The following KTN1 variants were observed in gnomAD, a reference collection of about 807,000 sequenced individuals.
The protein encoded by KTN1 is kinectin 1.
KTN1 carries 130 observed loss-of-function variants against 222.5 expected under a neutral mutation model. That is an observed-to-expected ratio of 0.58 (90% CI 0.51 to 0.68). The LOEUF is 0.68. Among genes scored for constraint, KTN1 ranks in the 30% least tolerant of loss-of-function variants. The probability of loss-of-function intolerance (pLI) is 0.00; values close to 1 mark genes in which losing one functional copy is unlikely to be tolerated. For synonymous variants in KTN1, 512 were observed against 496.3 expected, an observed-to-expected ratio of 1.03 and a Z score of -0.42; for missense variants, 1,508 against 1,500.4, an observed-to-expected ratio of 1.01 and a Z score of -0.08.
At chr14:55,615,914 CTTTCTTTCCTT>C (rs2038316952) in intron 2 of KTN1, among the ~76,000 whole-genome samples, 1 of 144,306 alleles carries the variant, frequency 6.9e-6, no homozygotes, top group African/African-American at 2.6e-5. Flanking sequence ...TTTCTTTCTT[CTTTCTTTCCTT>C]TTTCTTTCGA....
intron 24 of KTN1, chr14:55,651,425 A>T: frequency 2.2e-6 from 1 of 454,712 alleles, no homozygotes; most frequent in Non-Finnish European, 4.4e-6. Flanking sequence ...AGGACATCAT[A>T]GAGTACTGTT....
At chr14:55,595,359 A>C (rs1341549970) in intron 1 of KTN1, among the ~76,000 whole-genome samples, 3 of 152,242 alleles carry the variant, frequency 2.0e-5, no homozygotes, top group Non-Finnish European at 2.9e-5. Context: ...CAGTTAAATG[A>C]ACAGCTCATT....
chr14:55,680,477 C>A (rs1179788460), intron 43 of KTN1: 2 of 375,210 alleles, frequency 5.3e-6, no homozygotes, highest in East Asian at 1.5e-4. Context: ...CTGAATACTT[C>A]AGATATTCTT....
In KTN1 at chr14:55,652,547, T is replaced by C. The variant is rs186964639; in HGVS notation, c.2604-303T>C. Among the ~76,000 whole-genome samples the C allele has an allele frequency of 4.5e-3, 687 of 152,062 alleles. 2 individuals are homozygous for C. Among genetic ancestry groups the C allele is most frequent in the Non-Finnish European group, 7.2e-3 (490 of 67,910 alleles). On this transcript the variant is annotated intron_variant, in intron 25 of 43. Transcript: ENST00000395314. Reference sequence around the variant, plus strand: ...CCGAGTAGCTGGGACTACAGGCGCGTACCACCACGCCCGGCTAATTTTTTT... The same window carrying C: ...CCGAGTAGCTGGGACTACAGGCGCGCACCACCACGCCCGGCTAATTTTTTT...
chr14:55,648,677 TGA>T (rs940330537), intron 20 of KTN1, 123 bp from the exon 21 acceptor site: 15 of 686,286 alleles, frequency 2.2e-5, no homozygotes, highest in Non-Finnish European at 3.9e-5. Context: ...TGGAAAAAAG[TGA>T]GAGTTTTGGG....
chr14:55,610,579 T>G (rs1286205225), intron 1 of KTN1, among the ~76,000 whole-genome samples: 1 of 152,238 alleles, frequency 6.6e-6, no homozygotes, highest in Admixed American at 6.5e-5. Context: ...ATTTAAAAAC[T>G]TAAAAAATTC....
chr14:55,656,038 C>G lies in KTN1; in HGVS notation c.2802-4C>G. On this transcript the variant is annotated splice_polypyrimidine_tract_variant and splice_region_variant and intron_variant, in intron 28 of 43. Transcript: ENST00000395314. The stretch of plus-strand genomic sequence containing the variant: ...TTAATGCAGATCTTTGTAAAAAATT[C>G]TAGGTTGAAAGAAAAGGAAAATGAA... 1 of 1,574,970 alleles carries G rather than the reference C, an allele frequency of 6.3e-7. No homozygotes were observed. Among genetic ancestry groups the G allele is most frequent in the Non-Finnish European group, 8.7e-7 (1 of 1,153,538 alleles).
At chr14:55,638,848 AGTT>A (rs2041438185) in intron 12 of KTN1, among the ~76,000 whole-genome samples, 1 of 151,906 alleles carries the variant, frequency 6.6e-6, no homozygotes, top group Admixed American at 6.6e-5. Flanking sequence ...TATTATTAAA[AGTT>A]GTTACTAAGG....
chr14:55,681,285 C>T (rs1042907632), intron 43 of KTN1: 1 of 152,816 alleles, frequency 6.5e-6, no homozygotes, highest in Non-Finnish European at 1.5e-5. Flanking sequence ...AAAATGCTGA[C>T]ATTAGACCTT....
chr14:55,648,676 G>A (rs1595093378), intron 20 of KTN1, 126 bp from the exon 21 acceptor site: 1 of 685,194 alleles, frequency 1.5e-6, no homozygotes, highest in Non-Finnish European at 2.6e-6. Flanking sequence ...ATGGAAAAAA[G>A]TGAGAGTTTT....
chr14:55,591,779 T>A (rs2034194519), intron 1 of KTN1, among the ~76,000 whole-genome samples: 1 of 152,044 alleles, frequency 6.6e-6, no homozygotes, highest in South Asian at 2.1e-4. Flanking sequence ...TTTCTCCATG[T>A]TGCTCAGGCT....
chr14:55,637,835 G>C lies in KTN1; in HGVS notation c.1773G>C (p.Gln591His). 6.2e-7 allele frequency: 1 copy of C among 1,610,838 alleles called. No individual in the cohort carries two copies. Residue 591 changes from glutamine (Q) to histidine (H), a missense_variant, in exon 12 of 44, where the codon CAG becomes CAC. Gln to His is a conservative substitution (Grantham distance 24). Transcript: ENST00000395314. ...LKAQIQQFHS[Q>H]IAAQTSASVL... ...CTCAAATTCAGCAGTTCCATTCCCA[G>C]ATAGCAGCCCAGGTAATGATGCTTT...
intron 1 of KTN1, among the ~76,000 whole-genome samples, chr14:55,582,916 G>A (rs927285562): frequency 2.0e-4 from 30 of 152,300 alleles, no homozygotes; most frequent in Non-Finnish European, 1.5e-4. Flanking sequence ...ATACAAGCAA[G>A]TAACTATTTC....
At chr14:55,654,976 CTCTTT>C (rs1196573423) in intron 28 of KTN1, among the ~76,000 whole-genome samples, 1 of 151,990 alleles carries the variant, frequency 6.6e-6, no homozygotes, top group Non-Finnish European at 1.5e-5. Flanking sequence ...TCTGGTTTGG[CTCTTT>C]TCTTTTCTTT....
chr14:55,599,673 C>T (rs1185022687), intron 1 of KTN1, among the ~76,000 whole-genome samples: 3 of 151,948 alleles, frequency 2.0e-5, no homozygotes, highest in African/African-American at 4.8e-5. Context: ...GACGGGGTTT[C>T]GCCATGTTGG....
chr14:55,616,475 A>C lies in KTN1; in HGVS notation c.524-42A>C, dbSNP rs371049140. 9 of 1,527,134 alleles carry C rather than the reference A, an allele frequency of 5.9e-6. No individual in the cohort carries two copies. The South Asian group carries it at 1.2e-4, about 20-fold the overall frequency. The allele number at this position is 1,527,134 out of a possible 1,614,324, so 94.6% of individuals were successfully genotyped here. On this transcript the variant is annotated intron_variant, in intron 2 of 43. Transcript: ENST00000395314. Reference sequence around the variant, plus strand: ...TGATTGCATCTTTTCCGTTATGTTCATTGTTTGCCACAATTATTTTTTTTG... The same window carrying C: ...TGATTGCATCTTTTCCGTTATGTTCCTTGTTTGCCACAATTATTTTTTTTG...
rs148095745 is a variant in KTN1, at chr14:55,679,242, G to A, written c.3949-323G>A. The A allele has an allele frequency of 1.3e-3, 334 of 249,780 alleles. 3 individuals are homozygous for A. Among genetic ancestry groups the A allele is most frequent in the African/African-American group, 7.1e-3 (307 of 43,508 alleles). The allele number at this position is 249,780 out of a possible 1,614,324, so 15.5% of individuals were successfully genotyped here. On this transcript the variant is annotated intron_variant, in intron 42 of 43. Coordinates refer to ENST00000395314, the MANE Select transcript of KTN1 (RefSeq NM_001079521.2). ...GTTAACTTTTTTTACTGTTTGGAAT[G>A]TACTTTCTTTTGCGGGGCAAATTTT...
At chr14:55,636,010 G>A (rs2140956494) in intron 9 of KTN1, among the ~76,000 whole-genome samples, 1 of 152,252 alleles carries the variant, frequency 6.6e-6, no homozygotes, top group Admixed American at 6.5e-5. Context: ...AAAGATTATA[G>A]TCATGATTGG....
chr14:55,628,142 G>A (rs1186546526), intron 6 of KTN1, 114 bp downstream of exon 6: 3 of 668,064 alleles, frequency 4.5e-6, no homozygotes, highest in South Asian at 3.8e-5. Flanking sequence ...TCCAACAAAA[G>A]TAACTTTCCT....
Sources: allele counts gnomAD v4.1 joint callset (sites outside exome capture counted in the v4.1 genomes callset), GRCh38; gene constraint gnomAD v4.1.1; transcripts MANE v1.5; gene names NCBI Gene and HGNC (gene_info 2026-07-23, HGNC 2026-07-21).